The following STPG2 variants were observed in gnomAD, a reference collection of about 807,000 sequenced individuals.
The protein encoded by STPG2 is sperm-tail PG-rich repeat-containing protein 2.
In STPG2, 56 loss-of-function variants were observed where a neutral mutation model predicts 54.2. That is an observed-to-expected ratio of 1.03 (90% CI 0.83 to 1.29). The LOEUF is 1.29. STPG2 is among the 50% of genes most tolerant of loss of function. The pLI, the probability that STPG2 is intolerant of heterozygous loss-of-function variation, is 0.00. For missense variants in STPG2, 596 were observed against 544.9 expected, an observed-to-expected ratio of 1.09 and a Z score of -0.93; for synonymous variants, 200 against 181.8, an observed-to-expected ratio of 1.10 and a Z score of -0.81.
chr4:97,459,573 G>T (rs1578316139), intron 4 of STPG2, among the ~76,000 whole-genome samples: 1 of 151,560 alleles, frequency 6.6e-6, no homozygotes, highest in East Asian at 2.0e-4. Flanking sequence ...CCCAGTAGCT[G>T]GGACTACAGC....
chr4:98,116,795 G>A (rs1739536271), intron 3 of STPG2, among the ~76,000 whole-genome samples: 1 of 151,814 alleles, frequency 6.6e-6, no homozygotes. Context: ...AATTCTTATG[G>A]TTAGAAAAGG....
At position 97,768,166 on chromosome 4, in the gene STPG2, C is replaced by CAA. The variant is rs35923469; in HGVS notation, c.1205-55354_1205-55353dup. ...TGGGCAACAGAGCGAGACTCCGTCTCAAAAAAAAAAAAAACATAAGAGTTA... is the reference window on the plus strand; with the variant it reads ...TGGGCAACAGAGCGAGACTCCGTCTCAAAAAAAAAAAAAAAACATAAGAGTTA... On this transcript the variant is annotated intron_variant, in intron 9 of 10. Coordinates refer to ENST00000295268, the MANE Select transcript of STPG2 (RefSeq NM_174952.3). Among the ~76,000 whole-genome samples, 702 of 126,900 alleles carry CAA rather than the reference C, an allele frequency of 5.5e-3. 4 individuals are homozygous for CAA. The highest frequency in any genetic ancestry group is 0.015 in the African/African-American group (519 of 35,168). 83.3% of individuals were successfully genotyped at this position (126,900 alleles called of 152,430 possible). A position where few individuals can be genotyped will look rare whatever the true frequency, so the allele number is the denominator to read the frequency against.
intron 2 of STPG2, 97 bp from the exon 3 acceptor site, chr4:98,128,689 T>C (rs1560692233): frequency 1.0e-6 from 1 of 984,328 alleles, no homozygotes; most frequent in South Asian, 2.0e-5. Flanking sequence ...CTATTAAATA[T>C]TGATTTAATG....
At chr4:98,142,703 G>A (rs1241289034) in intron 1 of STPG2, among the ~76,000 whole-genome samples, 3 of 150,848 alleles carry the variant, frequency 2.0e-5, no homozygotes, top group African/African-American at 7.3e-5. Flanking sequence ...GACAGCGGGA[G>A]GTAAGGGCAC....
At chr4:97,831,330 CA>C (rs1263163069) in intron 9 of STPG2, among the ~76,000 whole-genome samples, 1 of 151,980 alleles carries the variant, frequency 6.6e-6, no homozygotes, top group African/African-American at 2.4e-5. Context: ...CCAATGAGAA[CA>C]AAAACACAAT....
At chr4:98,023,446 TG>T (rs1736299855) in intron 5 of STPG2, among the ~76,000 whole-genome samples, 1 of 152,192 alleles carries the variant, frequency 6.6e-6, no homozygotes, top group Non-Finnish European at 1.5e-5. Context: ...CTGCCCCTAC[TG>T]GGGGTGCCTC....
intron 8 of STPG2, among the ~76,000 whole-genome samples, chr4:97,919,839 A>G (rs981675360): frequency 1.3e-5 from 2 of 152,324 alleles, no homozygotes; most frequent in East Asian, 1.9e-4. Flanking sequence ...CCCCAAACCT[A>G]TAAAAGGTCA....
At chr4:97,460,237 A>G (rs1013613337) in intron 4 of STPG2, among the ~76,000 whole-genome samples, 5 of 151,960 alleles carry the variant, frequency 3.3e-5, no homozygotes, top group African/African-American at 7.3e-5. Flanking sequence ...TAAAATTTCA[A>G]TATTGTTCCT....
intron 4 of STPG2, among the ~76,000 whole-genome samples, chr4:97,459,182 G>A (rs1729597706): frequency 1.3e-5 from 2 of 152,060 alleles, no homozygotes; most frequent in Non-Finnish European, 1.5e-5. Context: ...CTGTGTGAGA[G>A]AGAGACGCCC....
intron 10 of STPG2, among the ~76,000 whole-genome samples, chr4:97,701,630 T>C (rs905524094): frequency 5.3e-5 from 8 of 152,162 alleles, no homozygotes; most frequent in Admixed American, 4.6e-4. Context: ...TGAGGGGCCG[T>C]GATTCTGTTT....
intron 8 of STPG2, among the ~76,000 whole-genome samples, chr4:97,932,597 ATGAG>A (rs949499007): frequency 2.0e-5 from 3 of 152,042 alleles, no homozygotes; most frequent in Non-Finnish European, 4.4e-5. Flanking sequence ...GCTCCCACTT[ATGAG>A]TGAGAACATG....
At chr4:97,817,905 C>T (rs1485135577) in intron 9 of STPG2, among the ~76,000 whole-genome samples, 1 of 151,732 alleles carries the variant, frequency 6.6e-6, no homozygotes, top group African/African-American at 2.4e-5. Flanking sequence ...CTTTTATATG[C>T]ATCAGATCTA....
chr4:97,943,544 T>C (rs1454097705), intron 8 of STPG2, among the ~76,000 whole-genome samples: 1 of 44,738 alleles, frequency 2.2e-5, no homozygotes, highest in South Asian at 9.6e-4. Flanking sequence ...TCAAGACGAA[T>C]TCCATTGAAA....
At chr4:98,037,942 T>C (rs1260005466) in intron 5 of STPG2, among the ~76,000 whole-genome samples, 1 of 152,090 alleles carries the variant, frequency 6.6e-6, no homozygotes, top group South Asian at 2.1e-4. Context: ...AGAAGATAAA[T>C]ATAGATCTAA....
intron 5 of STPG2, 135 bp from the exon 6 acceptor site, chr4:97,981,453 G>T: frequency 1.1e-6 from 1 of 878,892 alleles, no homozygotes; most frequent in Non-Finnish European, 1.7e-6. Context: ...AAATGTAGAT[G>T]AACTAAGATC....
intron 9 of STPG2, among the ~76,000 whole-genome samples, chr4:97,839,466 A>T (rs1355035689): frequency 6.6e-6 from 1 of 151,622 alleles, no homozygotes; most frequent in African/African-American, 2.4e-5. Flanking sequence ...GATACTCAAC[A>T]TAATTTACTT....
intron 4 of STPG2, among the ~76,000 whole-genome samples, chr4:97,532,133 A>G (rs1010589807): frequency 6.6e-6 from 1 of 152,168 alleles, no homozygotes; most frequent in Non-Finnish European, 1.5e-5. Context: ...GTTTGACATA[A>G]GAAAATTCTA....
chr4:97,570,830 C>T (rs1732581204), intron 10 of STPG2, among the ~76,000 whole-genome samples: 2 of 152,060 alleles, frequency 1.3e-5, no homozygotes, highest in African/African-American at 2.4e-5. Flanking sequence ...AATCCAAAGC[C>T]ATCTGAGAAC....
intron 9 of STPG2, among the ~76,000 whole-genome samples, chr4:97,825,967 C>T (rs1728246714): frequency 6.6e-6 from 1 of 152,126 alleles, no homozygotes; most frequent in Non-Finnish European, 1.5e-5. Context: ...TAAACTGATT[C>T]TTTGACTTTT....
Sources: allele counts gnomAD v4.1 joint callset (sites outside exome capture counted in the v4.1 genomes callset), GRCh38; gene constraint gnomAD v4.1.1; transcripts MANE v1.5; gene names NCBI Gene and HGNC (gene_info 2026-07-23, HGNC 2026-07-21).